VKORC1L1: variants seen among roughly 807,000 people sequenced by gnomAD.
VKORC1L1 encodes vitamin K epoxide reductase complex subunit 1-like protein 1.
In VKORC1L1, 2 loss-of-function variants were observed where a neutral mutation model predicts 18.9. The ratio of observed to expected loss-of-function variants is 0.11; its 90% CI spans 0.04 to 0.33. VKORC1L1 has a LOEUF of 0.33. VKORC1L1 is among the 10% of genes least tolerant of loss of function. VKORC1L1 has a pLI of 1.00. For missense variants in VKORC1L1, 123 were observed against 224.1 expected (o/e 0.55, Z 2.88); for synonymous variants, 96 against 100.0 (o/e 0.96, Z 0.24).
intron 1 of VKORC1L1, among the ~76,000 whole-genome samples, chr7:65,898,816 A>T (rs1296545006): frequency 1.3e-5 from 2 of 152,192 alleles, no homozygotes; most frequent in Non-Finnish European, 2.9e-5. Context: ...GCCATTAAAC[A>T]AGTACTTAAT....
intron 1 of VKORC1L1, among the ~76,000 whole-genome samples, chr7:65,912,029 G>A (rs1336191976): frequency 6.6e-6 from 1 of 152,152 alleles, no homozygotes; most frequent in Non-Finnish European, 1.5e-5. Flanking sequence ...AAGGTAAAAG[G>A]GGGAGGACTG....
chr7:65,897,512 A>G (rs1180349438), intron 1 of VKORC1L1, among the ~76,000 whole-genome samples: 4 of 152,202 alleles, frequency 2.6e-5, no homozygotes, highest in Non-Finnish European at 1.5e-5. Flanking sequence ...TTATAGAGCA[A>G]TAAGAATGAA....
rs140911839 is a variant in VKORC1L1 at position 65,893,697 on chromosome 7, G to A, written c.194+20132G>A. On this transcript the variant is annotated intron_variant, in intron 1 of 2. Transcript: ENST00000360768. ...TAAATTTCCTGTTGTAATTTCTAAT[G>A]TGATAAATATAATAGGTATAATGCA... 1.9e-3 allele frequency among the ~76,000 whole-genome samples: 289 copies of A among 152,314 alleles called. 1 individual carries two copies. Among genetic ancestry groups the A allele is most frequent in the African/African-American group, 6.8e-3 (282 of 41,574 alleles).
chr7:65,868,491 G>T (rs1469899369), upstream of VKORC1L1, among the ~76,000 whole-genome samples: 1 of 152,130 alleles, frequency 6.6e-6, no homozygotes, highest in Non-Finnish European at 1.5e-5. Context: ...CAAAGGGAAA[G>T]AAATCAATAT....
intron 1 of VKORC1L1, among the ~76,000 whole-genome samples, chr7:65,933,768 A>G (rs907837365): frequency 2.0e-5 from 3 of 151,924 alleles, no homozygotes; most frequent in Non-Finnish European, 2.9e-5. Context: ...CCTTTTAGAT[A>G]TTGGTATTTT....
At chr7:65,883,342 G>A (rs956883899) in intron 1 of VKORC1L1, among the ~76,000 whole-genome samples, 1 of 151,504 alleles carries the variant, frequency 6.6e-6, no homozygotes, top group African/African-American at 2.4e-5. Context: ...GTAGAGACGG[G>A]GTTTCACCAT....
intron 1 of VKORC1L1, among the ~76,000 whole-genome samples, chr7:65,900,314 C>T (rs918496290): frequency 2.7e-5 from 4 of 150,496 alleles, no homozygotes; most frequent in African/African-American, 7.3e-5. Flanking sequence ...GGCATGAACC[C>T]GGGAGGGGAG....
intron 1 of VKORC1L1, among the ~76,000 whole-genome samples, chr7:65,928,972 T>C (rs1213789066): frequency 1.3e-5 from 2 of 152,224 alleles, no homozygotes; most frequent in Non-Finnish European, 1.5e-5. Context: ...CTCATTTGTA[T>C]TTCTCTAATA....
At chr7:65,899,374 T>C (rs1175299368) in intron 1 of VKORC1L1, among the ~76,000 whole-genome samples, 2 of 152,200 alleles carry the variant, frequency 1.3e-5, no homozygotes, top group Admixed American at 1.3e-4. Context: ...TTGCAGATTG[T>C]CTCATATCTC....
chr7:65,895,894 CTTTTTTTTTTTT>C (rs899804086), intron 1 of VKORC1L1, among the ~76,000 whole-genome samples: 1 of 113,280 alleles, frequency 8.8e-6, no homozygotes, highest in East Asian at 2.5e-4. Context: ...TATCTCACTT[CTTTTTTTTTTTT>C]TTTTTTTTTT....
At chr7:65,928,542 AT>A (rs1459714428) in intron 1 of VKORC1L1, among the ~76,000 whole-genome samples, 1 of 152,038 alleles carries the variant, frequency 6.6e-6, no homozygotes, top group African/African-American at 2.4e-5. Flanking sequence ...TGTATTTGAG[AT>A]TTATCCGTGT....
chr7:65,894,751 AAAG>A, intron 1 of VKORC1L1, among the ~76,000 whole-genome samples: 1 of 151,922 alleles, frequency 6.6e-6, no homozygotes, highest in South Asian at 2.1e-4. Flanking sequence ...AAAGAAAAGA[AAAG>A]AAGTAAATTG....
Position 65,939,213 on chromosome 7 carries a change from T to C in VKORC1L1, c.195-9458T>C, listed in dbSNP as rs111644497. Among the ~76,000 whole-genome samples the C allele has an allele frequency of 3.6e-4, 55 of 152,334 alleles. 1 individual carries two copies. Among genetic ancestry groups the C allele is most frequent in the Middle Eastern group, 3.4e-3 (1 of 294 alleles). On this transcript the variant is annotated intron_variant, in intron 1 of 2. Transcript: ENST00000360768. ...GATGACCACGACTCCGTGGATAAGA[T>C]TGTCATTCAGAAATACTATCCTGTA...
At chr7:65,880,435 G>A (rs1272611526) in intron 1 of VKORC1L1, among the ~76,000 whole-genome samples, 1 of 152,122 alleles carries the variant, frequency 6.6e-6, no homozygotes, top group Non-Finnish European at 1.5e-5. Flanking sequence ...CAGATAGACG[G>A]TGTAGTGAGC....
At chr7:65,889,751 G>T (rs185200857) in intron 1 of VKORC1L1, among the ~76,000 whole-genome samples, 12 of 152,048 alleles carry the variant, frequency 7.9e-5, no homozygotes, top group African/African-American at 2.4e-4. Flanking sequence ...TTCTAAGATC[G>T]CACCTAAACT....
chr7:65,925,251 G>A (rs1318652852), intron 1 of VKORC1L1, among the ~76,000 whole-genome samples: 1 of 152,102 alleles, frequency 6.6e-6, no homozygotes, highest in Non-Finnish European at 1.5e-5. Flanking sequence ...CCCTTGAATG[G>A]CCTCACTATC....
intron 1 of VKORC1L1, among the ~76,000 whole-genome samples, chr7:65,933,077 CA>C (rs59403784): frequency 0.017 from 1,084 of 65,330 alleles, 10 homozygotes; most frequent in African/African-American, 0.055. Context: ...GACTTCGTCT[CA>C]AAAAAAAAAA....
At chr7:65,876,563 G>A (rs1428153371) in intron 1 of VKORC1L1, among the ~76,000 whole-genome samples, 9 of 151,236 alleles carry the variant, frequency 6.0e-5, no homozygotes, top group East Asian at 3.9e-4. Context: ...CCCATAAATC[G>A]GTGAAAACTC....
intron 1 of VKORC1L1, among the ~76,000 whole-genome samples, chr7:65,883,136 CTT>C (rs34906605): frequency 2.7e-5 from 3 of 109,584 alleles, no homozygotes; most frequent in African/African-American, 7.9e-5. Context: ...TACATTTGAG[CTT>C]TTTTTTTTTT....
Sources: allele counts gnomAD v4.1 joint callset (sites outside exome capture counted in the v4.1 genomes callset), GRCh38; gene constraint gnomAD v4.1.1; transcripts MANE v1.5; gene names NCBI Gene and HGNC (gene_info 2026-07-23, HGNC 2026-07-21).